RREB1: variants seen among roughly 807,000 people sequenced by gnomAD.
The protein encoded by RREB1 is ras-responsive element-binding protein 1.
In RREB1, 27 loss-of-function variants were observed where a neutral mutation model predicts 117.8. The ratio of observed to expected loss-of-function variants is 0.23; its 90% CI spans 0.17 to 0.32. The LOEUF is 0.32. Ranked by LOEUF, RREB1 falls within the 10% of genes least tolerant of loss-of-function variation. The pLI is 1.00. For missense variants in RREB1, 2,577 were observed against 2,378.2 expected (o/e 1.08, Z -1.74); for synonymous variants, 1,298 against 1,026.7 (o/e 1.26, Z -5.05).
At chr6:7,126,071 G>A (rs1277950952) in intron 1 of RREB1, among the ~76,000 whole-genome samples, 2 of 152,044 alleles carry the variant, frequency 1.3e-5, no homozygotes, top group Non-Finnish European at 2.9e-5. Flanking sequence ...GCACGATCTC[G>A]GCTCACTGCA....
intron 1 of RREB1, among the ~76,000 whole-genome samples, chr6:7,162,523 C>T (rs539501176): frequency 2.0e-5 from 3 of 152,098 alleles, no homozygotes; most frequent in Admixed American, 1.3e-4. Context: ...CTCTGTGTTT[C>T]CTCTGACATA....
rs1410975505 is a variant in RREB1, at chr6:7,231,209, G to A, written c.3110G>A (p.Ser1037Asn). The stretch of plus-strand genomic sequence containing the variant: ...CTCGTGGGCAGCTCAGCCCTCCTGA[G>A]TGGCACAGCCTTGCTGCGTCCACTG... ...PPLVGSSALL[S>N]GTALLRPLRP... The change falls in exon 10 of 13, where the codon AGT becomes AAT. Residue 1037 changes from serine to asparagine, a missense_variant. Transcript: ENST00000379938. The A allele has an allele frequency of 6.2e-7, 1 of 1,612,124 alleles. No individual in the cohort carries two copies. The highest frequency in any genetic ancestry group is 1.7e-5 in the Admixed American group (1 of 60,004).
chr6:7,204,288 C>T (rs1024940705), intron 6 of RREB1, among the ~76,000 whole-genome samples: 6 of 152,202 alleles, frequency 3.9e-5, no homozygotes, highest in South Asian at 2.1e-4. Context: ...GCTCAGTTGC[C>T]GCCTTGCTGT....
chr6:7,217,565 C>G (rs924472100), intron 8 of RREB1: 1 of 152,096 alleles, frequency 6.6e-6, no homozygotes, highest in Non-Finnish European at 1.5e-5. Flanking sequence ...CGAAGCCAGC[C>G]GGCTCCGTCC....
chr6:7,204,693 C>A (rs148031117), intron 6 of RREB1, among the ~76,000 whole-genome samples: 2 of 152,114 alleles, frequency 1.3e-5, no homozygotes, highest in Admixed American at 1.3e-4. Context: ...ACTTTCCTTA[C>A]GGTACCATTC....
intron 8 of RREB1, chr6:7,212,885 A>T (rs1766695501): frequency 6.6e-6 from 1 of 152,238 alleles, no homozygotes; most frequent in Non-Finnish European, 1.5e-5. Flanking sequence ...CATTAGCCTG[A>T]CATTTTTCCA....
intron 8 of RREB1, among the ~76,000 whole-genome samples, chr6:7,220,289 T>C (rs1486615197): frequency 8.5e-5 from 13 of 152,238 alleles, no homozygotes; most frequent in Admixed American, 8.5e-4. Flanking sequence ...GAAACACTTA[T>C]TTCTGTGAGC....
chr6:7,178,180 ATAT>A (rs1400333040), intron 2 of RREB1, among the ~76,000 whole-genome samples: 1 of 152,168 alleles, frequency 6.6e-6, no homozygotes, highest in Non-Finnish European at 1.5e-5. Flanking sequence ...ATAATAACAT[ATAT>A]TATTACTAAT....
intron 1 of RREB1, among the ~76,000 whole-genome samples, chr6:7,118,493 T>G (rs959094450): frequency 2.6e-5 from 4 of 152,242 alleles, no homozygotes; most frequent in African/African-American, 9.6e-5. Flanking sequence ...GATAATTTTA[T>G]AAAACTAGTG....
intron 10 of RREB1, among the ~76,000 whole-genome samples, chr6:7,236,705 A>G (rs1373170606): frequency 2.0e-5 from 3 of 151,932 alleles, no homozygotes; most frequent in African/African-American, 7.3e-5. Flanking sequence ...ATTGTCTTTG[A>G]AAAATGAACA....
At chr6:7,199,412 G>C (rs910053068) in intron 6 of RREB1, among the ~76,000 whole-genome samples, 1 of 152,172 alleles carries the variant, frequency 6.6e-6, no homozygotes, top group Non-Finnish European at 1.5e-5. Flanking sequence ...TAGTTCAGCA[G>C]ATGGATTTAC....
At chr6:7,242,699 AAG>A (rs1491387793) in intron 11 of RREB1, among the ~76,000 whole-genome samples, 1 of 79,468 alleles carries the variant, frequency 1.3e-5, no homozygotes, top group African/African-American at 7.3e-5. Flanking sequence ...ACTTAAAAAA[AAG>A]GGGGGGGGGG....
intron 11 of RREB1, among the ~76,000 whole-genome samples, chr6:7,245,726 C>T (rs1230712137): frequency 6.6e-6 from 1 of 152,208 alleles, no homozygotes; most frequent in Non-Finnish European, 1.5e-5. Flanking sequence ...CAGCCCTTCA[C>T]AGTCCGCTCC....
Position 7,188,616 on chromosome 6 carries a change from T to C in RREB1, c.262-543T>C, listed in dbSNP as rs572914372. On this transcript the variant is annotated intron_variant, in intron 5 of 12. Transcript: ENST00000379938. ...GTAGAACAGTGAAGGATTGATGACC[T>C]AGTAAAATCATGACATAGTACTGAA... 2.0e-5 allele frequency among the ~76,000 whole-genome samples: 3 copies of C among 152,278 alleles called. No homozygotes were observed. In the East Asian group the frequency reaches 5.8e-4, roughly 29 times the overall value.
intron 4 of RREB1, chr6:7,184,934 G>A (rs1421910802): frequency 2.0e-5 from 3 of 152,016 alleles, no homozygotes; most frequent in Non-Finnish European, 2.9e-5. Flanking sequence ...ATACCCCGGA[G>A]GTGGAACTCA....
At chr6:7,160,726 C>CA in intron 1 of RREB1, among the ~76,000 whole-genome samples, 1 of 150,792 alleles carries the variant, frequency 6.6e-6, no homozygotes, top group Non-Finnish European at 1.5e-5. Flanking sequence ...CTCATTCTGT[C>CA]ACCAGGCTGA....
chr6:7,187,930 CG>C (rs1246025361), intron 5 of RREB1, among the ~76,000 whole-genome samples: 1 of 152,104 alleles, frequency 6.6e-6, no homozygotes, highest in Non-Finnish European at 1.5e-5. Context: ...CCAAGATAGG[CG>C]GATCACTTGA....
intron 6 of RREB1, among the ~76,000 whole-genome samples, chr6:7,204,911 C>T (rs1766184856): frequency 6.6e-6 from 1 of 152,222 alleles, no homozygotes; most frequent in African/African-American, 2.4e-5. Context: ...CACATTTAAA[C>T]TTGTTGAGAG....
chr6:7,179,534 T>G (rs1260542884), intron 2 of RREB1, among the ~76,000 whole-genome samples: 1 of 152,210 alleles, frequency 6.6e-6, no homozygotes, highest in Admixed American at 6.5e-5. Context: ...CTCTGTACAT[T>G]AAAATTGTGA....
Sources: gnomAD v4.1 joint callset for allele counts (sites outside exome capture counted in the v4.1 genomes callset) on GRCh38, gnomAD v4.1.1 for gene constraint, MANE v1.5 for transcripts, NCBI Gene and HGNC (gene_info 2026-07-23, HGNC 2026-07-21) for gene names.